Variants in PPP2R5C observed in about 807,000 individuals in gnomAD.
PPP2R5C encodes the protein serine/threonine-protein phosphatase 2A 56 kDa regulatory subunit gamma isoform.
PPP2R5C carries 7 observed loss-of-function variants against 68.9 expected under a neutral mutation model. The observed-to-expected ratio is 0.10, with a 90% CI of 0.06 to 0.19. The LOEUF (loss-of-function observed/expected upper bound fraction) is 0.19. Among genes scored for constraint, PPP2R5C ranks in the 10% least tolerant of loss-of-function variants. The pLI is 1.00. For synonymous variants in PPP2R5C, 210 were observed against 222.2 expected (o/e 0.95, Z 0.49); for missense variants, 348 against 641.3 (o/e 0.54, Z 4.94).
In PPP2R5C at chr14:101,875,992, T is replaced by G. The variant is rs1741139; in HGVS notation, c.295-6169T>G. Among the ~76,000 whole-genome samples, 605 of 152,344 alleles carry G rather than the reference T, an allele frequency of 4.0e-3. 5 individuals are homozygous for G. Among genetic ancestry groups the G allele is most frequent in the African/African-American group, 0.014 (582 of 41,574 alleles). On this transcript the variant is annotated intron_variant, in intron 2 of 13. Coordinates refer to ENST00000334743, the Ensembl canonical transcript of PPP2R5C. ...GCTGGAGTCTTCGTCTCTGTTTCTT[T>G]TTTGTATTTGCTTAATTGTTAGTGG...
At chr14:101,779,481 A>G (rs2037573412) in intron 2 of PPP2R5C, among the ~76,000 whole-genome samples, 2 of 152,276 alleles carry the variant, frequency 1.3e-5, no homozygotes, top group South Asian at 2.1e-4. Context: ...TGTGGGGGTG[A>G]GAGTTTGGGA....
chr14:101,853,364 CA>C lies in PPP2R5C; in HGVS notation c.95-3317del, dbSNP rs1330905958. ...GGCATATCTGCTTATGGTCTATAAGCAAAAATTCTACAGAAACACCCTGTCT... is the reference window on the plus strand; with the variant it reads ...GGCATATCTGCTTATGGTCTATAAGCAAAATTCTACAGAAACACCCTGTCT... On this transcript the variant is annotated intron_variant, in intron 1 of 13. Coordinates refer to ENST00000334743, the Ensembl canonical transcript of PPP2R5C. Among the ~76,000 whole-genome samples, 287 of 152,054 alleles carry C rather than the reference CA, an allele frequency of 1.9e-3. 4 individuals carry two copies. Among genetic ancestry groups the C allele is most frequent in the Non-Finnish European group, 4.6e-4 (31 of 67,980 alleles).
chr14:101,921,942 A>T (rs1234025041), intron 13 of PPP2R5C: 1 of 949,332 alleles, frequency 1.1e-6, no homozygotes, highest in Non-Finnish European at 1.3e-6. Context: ...TAACATTTAT[A>T]TTATAGACAT....
chr14:101,883,230 T>C (rs763416922), intron 3 of PPP2R5C, 27 bp from the exon 6 acceptor site: 1 of 1,427,890 alleles, frequency 7.0e-7, no homozygotes, highest in Admixed American at 2.2e-5. Flanking sequence ...CTCATGTTAT[T>C]TGACTCATTG....
intron 2 of PPP2R5C, among the ~76,000 whole-genome samples, chr14:101,868,051 C>G (rs914946917): frequency 8.5e-5 from 13 of 152,140 alleles, no homozygotes; most frequent in Non-Finnish European, 1.3e-4. Context: ...TGATGTGGGG[C>G]ACGTTCCTTC....
intron 2 of PPP2R5C, among the ~76,000 whole-genome samples, chr14:101,857,469 G>A (rs1049531657): frequency 3.3e-5 from 5 of 152,214 alleles, no homozygotes; most frequent in African/African-American, 1.2e-4. Flanking sequence ...GGCTGAGAAG[G>A]CCTTCCTCTG....
intron 1 of PPP2R5C, among the ~76,000 whole-genome samples, chr14:101,823,287 G>A (rs879854713): frequency 1.3e-5 from 2 of 152,176 alleles, no homozygotes; most frequent in Non-Finnish European, 2.9e-5. Flanking sequence ...CAGTGCTGCA[G>A]AACCCGGGCC....
chr14:101,789,266 T>G (rs1013294578), intron 3 of PPP2R5C, among the ~76,000 whole-genome samples: 1 of 152,246 alleles, frequency 6.6e-6, no homozygotes, highest in Non-Finnish European at 1.5e-5. Context: ...CATTCCTGTT[T>G]TCTCCCATTT....
At chr14:101,878,437 T>A (rs1004078993) in intron 2 of PPP2R5C, among the ~76,000 whole-genome samples, 3 of 152,350 alleles carry the variant, frequency 2.0e-5, no homozygotes, top group Admixed American at 2.0e-4. Flanking sequence ...CTGGGCTGAC[T>A]GTCACTGTGC....
intron 2 of PPP2R5C, among the ~76,000 whole-genome samples, chr14:101,775,388 G>A (rs1326426407): frequency 6.6e-6 from 1 of 152,156 alleles, no homozygotes; most frequent in East Asian, 1.9e-4. Flanking sequence ...ATATTTCAAA[G>A]TAGAGAAACT....
At chr14:101,904,944 C>T (rs1178357123) in intron 9 of PPP2R5C, among the ~76,000 whole-genome samples, 1 of 152,236 alleles carries the variant, frequency 6.6e-6, no homozygotes, top group Non-Finnish European at 1.5e-5. Context: ...TGCTGGTTTA[C>T]TACGGAGAGA....
intron 5 of PPP2R5C, among the ~76,000 whole-genome samples, chr14:101,886,600 A>G (rs570276936): frequency 4.3e-4 from 66 of 152,280 alleles, no homozygotes; most frequent in Non-Finnish European, 7.8e-4. Flanking sequence ...TGCTATCTAG[A>G]TTCCGTGATT....
rs1348107807 is a variant in PPP2R5C at position 101,917,089 on chromosome 14, A to G, written c.1327-742A>G. ...CATACTGTCCTGTGCACCCTGTCTC[A>G]TGGAACCCTCACAGCCACCCTCCGG... On this transcript the variant is annotated intron_variant, in intron 12 of 13. Coordinates refer to ENST00000334743, the Ensembl canonical transcript of PPP2R5C. This position sits in a 1 kb window ranked among gnomAD's most constrained non-coding sequence, Gnocchi z 4.4. 3.3e-5 allele frequency among the ~76,000 whole-genome samples: 5 copies of G among 152,128 alleles called. No individual in the cohort carries two copies. Among genetic ancestry groups the G allele is most frequent in the Non-Finnish European group, 7.4e-5 (5 of 68,016 alleles).
chr14:101,810,166 C>T (rs2039270123), intron 1 of PPP2R5C: 1 of 844,480 alleles, frequency 1.2e-6, no homozygotes, highest in Non-Finnish European at 1.9e-6. Flanking sequence ...CAGACTTAAC[C>T]AGAGGAGGTT....
chr14:101,906,863 G>A lies in PPP2R5C; in HGVS notation c.1151+334G>A, dbSNP rs1200642779. Among the ~76,000 whole-genome samples, 1 of 152,174 alleles carries A rather than the reference G, an allele frequency of 6.6e-6. No homozygotes were observed. The highest frequency in any genetic ancestry group is 2.4e-5 in the African/African-American group (1 of 41,442). On this transcript the variant is annotated intron_variant, in intron 10 of 13. Coordinates refer to ENST00000334743, the Ensembl canonical transcript of PPP2R5C. This position sits in a 1 kb window ranked among gnomAD's most constrained non-coding sequence, Gnocchi z 4.0. The stretch of plus-strand genomic sequence containing the variant: ...GGGGCTCAGCCCCGGCGGGGGCACA[G>A]TGGCCACTGCATTCTCGGGGTGTCT...
At chr14:101,838,560 C>T (rs1389921406) in intron 1 of PPP2R5C, among the ~76,000 whole-genome samples, 1 of 152,236 alleles carries the variant, frequency 6.6e-6, no homozygotes, top group Non-Finnish European at 1.5e-5. Context: ...CCAGCCCCTC[C>T]TTTACCTTCA....
At position 101,789,294 on chromosome 14, in the gene PPP2R5C, G is replaced by A. The variant is rs183981616; in HGVS notation, c.259+3111G>A. On this transcript the variant is annotated intron_variant, in intron 3 of 14. Transcript: ENST00000328724. ...TCCCATTTCAGTAAATGGCTTCAGC[G>A]TTTCCTAAGTTGATGGGAAAGTGGC... 2.6e-5 allele frequency among the ~76,000 whole-genome samples: 4 copies of A among 152,336 alleles called. No individual in the cohort carries two copies. The East Asian group carries it at 7.7e-4, about 29-fold the overall frequency.
At chr14:101,873,872 C>T (rs1297099075) in intron 2 of PPP2R5C, among the ~76,000 whole-genome samples, 1 of 152,170 alleles carries the variant, frequency 6.6e-6, no homozygotes, top group East Asian at 1.9e-4. Flanking sequence ...TTGTTCCCAT[C>T]TCAGGGATCA....
Position 101,835,271 on chromosome 14 carries a change from G to T in PPP2R5C, c.95-21415G>T, listed in dbSNP as rs1389961053. Among the ~76,000 whole-genome samples the T allele has an allele frequency of 3.9e-5, 6 of 152,186 alleles. No individual in the cohort carries two copies. The highest frequency in any genetic ancestry group is 1.2e-4 in the African/African-American group (5 of 41,434). ...AGCAGGATGAATTGGGATAAGGGAA[G>T]CCCAGGGCAGGGTGTTGGCACAGAG... On this transcript the variant is annotated intron_variant, in intron 1 of 13. Transcript: ENST00000334743. This position sits in a 1 kb window ranked among gnomAD's most constrained non-coding sequence, Gnocchi z 5.0.
Sources: gnomAD v4.1 joint callset for allele counts (sites outside exome capture counted in the v4.1 genomes callset) on GRCh38, gnomAD v4.1.1 for gene constraint, Gnocchi (gnomAD v3.1) non-coding constraint, MANE v1.5 for transcripts, NCBI Gene and HGNC (gene_info 2026-07-23, HGNC 2026-07-21) for gene names.